CELSR1: variants seen among roughly 807,000 people sequenced by gnomAD.
CELSR1 encodes the protein adhesion G protein-coupled receptor C1.
In CELSR1, 110 loss-of-function variants were observed where a neutral mutation model predicts 249.1. The observed-to-expected ratio is 0.44, with a 90% CI of 0.38 to 0.52. The LOEUF (loss-of-function observed/expected upper bound fraction) is 0.52. CELSR1 is among the 20% of genes least tolerant of loss of function. The pLI, the probability that CELSR1 is intolerant of heterozygous loss-of-function variation, is 0.00. For synonymous variants in CELSR1, 2,113 were observed against 1,900.0 expected, an observed-to-expected ratio of 1.11 and a Z score of -2.92; for missense variants, 4,109 against 4,296.4, an observed-to-expected ratio of 0.96 and a Z score of 1.22.
intron 20 of CELSR1, 132 bp downstream of exon 20, chr22:46,384,411 G>C (rs1441295519): frequency 2.9e-6 from 3 of 1,050,484 alleles, no homozygotes; most frequent in Non-Finnish European, 2.6e-6. Flanking sequence ...ACAGGACCTG[G>C]CACCAGAGAG....
At chr22:46,377,015 C>T in intron 24 of CELSR1, 46 bp downstream of exon 24, 1 of 1,597,162 alleles carries the variant, frequency 6.3e-7, no homozygotes, top group Non-Finnish European at 8.5e-7. Context: ...GGTAGCTGCT[C>T]CAAGCTGCGG....
At chr22:46,379,278 C>A (rs1036011953) in intron 22 of CELSR1, among the ~76,000 whole-genome samples, 15 of 152,158 alleles carry the variant, frequency 9.9e-5, no homozygotes, top group Non-Finnish European at 1.8e-4. Context: ...TGATGGGAAG[C>A]CCCAAATAAC....
At chr22:46,378,484 A>T in intron 23 of CELSR1, 107 bp downstream of exon 23, 1 of 1,272,024 alleles carries the variant, frequency 7.9e-7, no homozygotes, top group Non-Finnish European at 1.1e-6. Context: ...GGGCAGGCTC[A>T]GCAGGTTTGA....
At chr22:46,530,491 C>G (rs1057364097) in intron 1 of CELSR1, 2 of 151,998 alleles carry the variant, frequency 1.3e-5, no homozygotes, top group Admixed American at 1.3e-4. Flanking sequence ...GGGTCATCAG[C>G]CACGTTGCCC....
In CELSR1 at chr22:46,389,346, C is replaced by T. The variant is rs761949438; in HGVS notation, c.6499G>A (p.Glu2167Lys). The T allele has an allele frequency of 5.6e-6, 9 of 1,610,754 alleles. No homozygotes were observed. The highest frequency in any genetic ancestry group is 5.3e-5 in the African/African-American group (4 of 74,932). ...AGGTCGAAGCCCTGCTGCCAGCTCTCGTGCTGAAGGACGTGGCCCAGCAGC... is the reference window on the plus strand; with the variant it reads ...AGGTCGAAGCCCTGCTGCCAGCTCTTGTGCTGAAGGACGTGGCCCAGCAGC... ...YQLLGHVLQH[E>K]SWQQGFDLAA... Residue 2167 changes from glutamate to lysine, a missense_variant, in exon 18 of 35, where the codon GAG becomes AAG. Around this residue, in one of 7 missense-constraint regions of CELSR1, gnomAD observed 1,805 missense variants for 1,831.6 expected, o/e 0.99. Transcript: ENST00000674500.
intron 1 of CELSR1, among the ~76,000 whole-genome samples, chr22:46,513,643 G>A (rs2080596160): frequency 6.6e-6 from 1 of 152,108 alleles, no homozygotes; most frequent in Non-Finnish European, 1.5e-5. Context: ...GCCCTGCAGT[G>A]TGCACTTCCT....
chr22:46,404,655 A>C (rs749826005), intron 9 of CELSR1, among the ~76,000 whole-genome samples: 5 of 151,996 alleles, frequency 3.3e-5, no homozygotes, highest in Non-Finnish European at 5.9e-5. Flanking sequence ...CACCTGGCTA[A>C]TTTTTGTATT....
chr22:46,403,991 G>GAAAA (rs2079237445), intron 9 of CELSR1, among the ~76,000 whole-genome samples: 1 of 123,838 alleles, frequency 8.1e-6, no homozygotes, highest in Non-Finnish European at 1.7e-5. Flanking sequence ...AAAAAAAAAA[G>GAAAA]AAAAAAAGAA....
intron 1 of CELSR1, among the ~76,000 whole-genome samples, chr22:46,481,135 T>C (rs1178474754): frequency 6.6e-6 from 1 of 151,968 alleles, no homozygotes; most frequent in African/African-American, 2.4e-5. Context: ...CTCAGGAGGC[T>C]GAGGCAGAAA....
chr22:46,442,966 C>T (rs940798922), intron 2 of CELSR1, among the ~76,000 whole-genome samples: 9 of 151,962 alleles, frequency 5.9e-5, no homozygotes, highest in South Asian at 2.1e-4. Flanking sequence ...GGTGTGTTGG[C>T]GGGCGCCTGT....
intron 22 of CELSR1, among the ~76,000 whole-genome samples, 169 bp from the exon 23 acceptor site, chr22:46,378,886 C>T (rs1347108503): frequency 6.6e-6 from 1 of 152,102 alleles, no homozygotes; most frequent in Non-Finnish European, 1.5e-5. Flanking sequence ...TGCTCCCCAC[C>T]GTGTTCCTCA....
In CELSR1 at chr22:46,537,554, G is replaced by A. The variant is rs1232263514; in HGVS notation, c.-384C>T. ...GGCGCGGGGCGGGGGCTGAGTTCCCGGAGCGGGCTGGGCAGCTCCGCGCCG... is the reference window on the plus strand; with the variant it reads ...GGCGCGGGGCGGGGGCTGAGTTCCCAGAGCGGGCTGGGCAGCTCCGCGCCG... On this transcript the variant is annotated 5_prime_UTR_variant, in exon 1 of 35. Coordinates refer to ENST00000674500, the MANE Select transcript of CELSR1 (RefSeq NM_001378328.1). The surrounding 1 kb of genome is among the most constrained non-coding windows in gnomAD (Gnocchi z 5.8). 2.0e-5 allele frequency among the ~76,000 whole-genome samples: 3 copies of A among 147,334 alleles called. No homozygotes were observed. The highest frequency in any genetic ancestry group is 7.3e-5 in the African/African-American group (3 of 40,864).
intron 2 of CELSR1, among the ~76,000 whole-genome samples, chr22:46,443,070 C>G (rs1014868674): frequency 3.3e-5 from 5 of 151,950 alleles, no homozygotes; most frequent in African/African-American, 7.3e-5. Context: ...GGCACTCCAG[C>G]CTGGGGGACA....
rs1247085986 is a variant in CELSR1 at position 46,537,566 on chromosome 22, G to A, written c.-396C>T. 6.8e-6 allele frequency among the ~76,000 whole-genome samples: 1 copy of A among 147,174 alleles called. No individual in the cohort carries two copies. Among genetic ancestry groups the A allele is most frequent in the Admixed American group, 6.7e-5 (1 of 14,826 alleles). On this transcript the variant is annotated 5_prime_UTR_variant, in exon 1 of 35. Transcript: ENST00000674500. This position sits in a 1 kb window ranked among gnomAD's most constrained non-coding sequence, Gnocchi z 5.8. ...GGGCTGAGTTCCCGGAGCGGGCTGGGCAGCTCCGCGCCGCGCAGACCCCGG... is the reference window on the plus strand; with the variant it reads ...GGGCTGAGTTCCCGGAGCGGGCTGGACAGCTCCGCGCCGCGCAGACCCCGG...
Position 46,374,382 on chromosome 22 carries a change from C to T in CELSR1, c.7585-1325G>A, listed in dbSNP as rs988193218. 2.0e-5 allele frequency among the ~76,000 whole-genome samples: 3 copies of T among 152,206 alleles called. No individual in the cohort carries two copies. Among genetic ancestry groups the T allele is most frequent in the Admixed American group, 6.5e-5 (1 of 15,294 alleles). ...GTACCTGCTTCCCTAACCAATGTAC[C>T]ACCTTTTCCAGAAATAGAACAAAGA... On this transcript the variant is annotated intron_variant, in intron 24 of 34. Transcript: ENST00000674500. The surrounding 1 kb of genome is among the most constrained non-coding windows in gnomAD (Gnocchi z 4.3).
At chr22:46,365,544 A>T (rs183562040) in intron 31 of CELSR1, 42 bp downstream of exon 31, 39 of 1,553,278 alleles carry the variant, frequency 2.5e-5, no homozygotes, top group Non-Finnish European at 3.1e-5. Flanking sequence ...GGGACGTGGG[A>T]AAAACAACCC....
chr22:46,422,576 A>T (rs2079487875), intron 5 of CELSR1, among the ~76,000 whole-genome samples: 1 of 149,724 alleles, frequency 6.7e-6, no homozygotes, highest in South Asian at 2.1e-4. Context: ...CTACTAAAAA[A>T]AAATAATAAT....
At chr22:46,505,944 C>T (rs1602222428) in intron 1 of CELSR1, among the ~76,000 whole-genome samples, 1 of 151,912 alleles carries the variant, frequency 6.6e-6, no homozygotes, top group South Asian at 2.1e-4. Flanking sequence ...TTTGGGAGGC[C>T]GAGGCAGGTG....
At position 46,409,664 on chromosome 22, in the gene CELSR1, T is replaced by C; in HGVS notation, c.5059+91A>G. On this transcript the variant is annotated intron_variant, in intron 8 of 34. Transcript: ENST00000674500. This position sits in a 1 kb window ranked among gnomAD's most constrained non-coding sequence, Gnocchi z 9.8. ...CACCAGAGGCTGCCGGACCTGGATG[T>C]GAAGCCCCCTCACGGTGGTCCCGGG... The C allele has an allele frequency of 6.6e-7, 1 of 1,507,200 alleles. No homozygotes were observed. The highest frequency in any genetic ancestry group is 9.1e-7 in the Non-Finnish European group (1 of 1,100,676). The allele number at this position is 1,507,200 out of a possible 1,614,324, so 93.4% of individuals were successfully genotyped here.
Sources: allele counts gnomAD v4.1 joint callset (sites outside exome capture counted in the v4.1 genomes callset), GRCh38; gene constraint gnomAD v4.1.1; regional missense constraint gnomAD v4.1.1; non-coding constraint Gnocchi (gnomAD v3.1); transcripts MANE v1.5; gene names NCBI Gene and HGNC (gene_info 2026-07-23, HGNC 2026-07-21).